The following PPP1R42 variants were observed in gnomAD, a reference collection of about 807,000 sequenced individuals.
PPP1R42 encodes leucine rich repeat containing 67.
In PPP1R42, 34 loss-of-function variants were observed where a neutral mutation model predicts 31.0. That is an observed-to-expected ratio of 1.10 (90% CI 0.83 to 1.46). The LOEUF is 1.46. PPP1R42 is among the 40% of genes most tolerant of loss of function. PPP1R42 has a pLI of 0.00. For synonymous variants in PPP1R42, 103 were observed against 109.8 expected (o/e 0.94, Z 0.39); for missense variants, 268 against 303.0 (o/e 0.88, Z 0.86).
chr8:66,971,129 T>C, intron 7 of PPP1R42: 1 of 1,511,474 alleles, frequency 6.6e-7, no homozygotes, highest in Non-Finnish European at 8.8e-7. Flanking sequence ...TGATGCATTG[T>C]TTTGAAGTTA....
rs71515047 is a variant in PPP1R42 at position 66,997,559 on chromosome 8, T to C, written c.553-9042A>G. On this transcript the variant is annotated intron_variant, in intron 5 of 7. Transcript: ENST00000685739. ...GTGCCTGGCTTTTTTTTTTTTTTTTTCCCAAGAAACACGGTCTCACTCTGT... is the reference window on the plus strand; with the variant it reads ...GTGCCTGGCTTTTTTTTTTTTTTTTCCCCAAGAAACACGGTCTCACTCTGT... Among the ~76,000 whole-genome samples the C allele has an allele frequency of 3.0e-3, 439 of 144,420 alleles. 2 individuals are homozygous for C. The highest frequency in any genetic ancestry group is 0.014 in the Middle Eastern group (4 of 292). The allele number at this position is 144,420 out of a possible 152,430, so 94.7% of individuals were successfully genotyped here.
chr8:66,978,315 A>G (rs1814734312), intron 7 of PPP1R42, among the ~76,000 whole-genome samples: 1 of 152,150 alleles, frequency 6.6e-6, no homozygotes, highest in Non-Finnish European at 1.5e-5. Flanking sequence ...TATGGGGGAA[A>G]CCACCCCCAT....
At chr8:67,018,214 C>T (rs1032575656) in intron 1 of PPP1R42, among the ~76,000 whole-genome samples, 2 of 151,358 alleles carry the variant, frequency 1.3e-5, no homozygotes, top group African/African-American at 4.9e-5. Context: ...CTCCCAGGTT[C>T]AAGCGATTCT....
At chr8:67,007,748 C>T (rs1412353534) in intron 5 of PPP1R42, among the ~76,000 whole-genome samples, 1 of 152,154 alleles carries the variant, frequency 6.6e-6, no homozygotes, top group Non-Finnish European at 1.5e-5. Context: ...CATTTCCATT[C>T]TATACATGCT....
intron 2 of PPP1R42, among the ~76,000 whole-genome samples, chr8:67,015,754 G>A (rs951050835): frequency 2.0e-5 from 3 of 152,014 alleles, no homozygotes; most frequent in Admixed American, 6.6e-5. Flanking sequence ...AATAATTAAA[G>A]GGATTTTTAA....
chr8:66,984,435 T>TA (rs1240617562), intron 6 of PPP1R42: 1 of 1,297,686 alleles, frequency 7.7e-7, no homozygotes, highest in African/African-American at 1.5e-5. Flanking sequence ...CCCCTTCCAC[T>TA]ACTACCACGT....
intron 6 of PPP1R42, among the ~76,000 whole-genome samples, chr8:66,983,709 A>G (rs1255309138): frequency 2.6e-5 from 4 of 152,204 alleles, no homozygotes; most frequent in East Asian, 3.8e-4. Flanking sequence ...AACATGAGCC[A>G]TAATACTGTG....
chr8:66,980,781 C>CTATCATGGAAAGGAGG (rs1368206168), intron 7 of PPP1R42, among the ~76,000 whole-genome samples: 1 of 152,084 alleles, frequency 6.6e-6, no homozygotes, highest in Non-Finnish European at 1.5e-5. Flanking sequence ...CATTCAAACA[C>CTATCATGGAAAGGAGG]TATCATGGAA....
intron 6 of PPP1R42, among the ~76,000 whole-genome samples, chr8:66,987,195 C>T (rs1815044015): frequency 6.6e-6 from 1 of 151,732 alleles, no homozygotes; most frequent in South Asian, 2.1e-4. Flanking sequence ...GTAATCTCTT[C>T]TTCCTCATGT....
At chr8:66,969,180 T>G (rs914652351) in intron 7 of PPP1R42, among the ~76,000 whole-genome samples, 1 of 152,236 alleles carries the variant, frequency 6.6e-6, no homozygotes, top group African/African-American at 2.4e-5. Flanking sequence ...GGGCCACAGC[T>G]CACTATTGAT....
At chr8:67,004,648 T>C (rs1815616234) in intron 5 of PPP1R42, among the ~76,000 whole-genome samples, 1 of 152,226 alleles carries the variant, frequency 6.6e-6, no homozygotes, top group African/African-American at 2.4e-5. Context: ...ATGGAATCTT[T>C]TTCATTTCTC....
At chr8:67,010,329 A>G (rs1815805644) in intron 5 of PPP1R42, among the ~76,000 whole-genome samples, 1 of 152,212 alleles carries the variant, frequency 6.6e-6, no homozygotes, top group Admixed American at 6.5e-5. Flanking sequence ...TACTTCCCCA[A>G]AAAGAAGTAG....
chr8:66,985,259 G>T, intron 6 of PPP1R42: 1 of 1,059,776 alleles, frequency 9.4e-7, no homozygotes, highest in Non-Finnish European at 1.5e-6. Context: ...GTGCGTTTCT[G>T]GCGCTGGGAA....
intron 7 of PPP1R42, among the ~76,000 whole-genome samples, chr8:66,966,551 C>T (rs767015862): frequency 2.6e-5 from 4 of 152,180 alleles, no homozygotes; most frequent in East Asian, 1.9e-4. Context: ...TTTGGGAGGC[C>T]GAGACGGGTG....
At chr8:67,002,445 C>T (rs1054491583) in intron 5 of PPP1R42, among the ~76,000 whole-genome samples, 5 of 152,152 alleles carry the variant, frequency 3.3e-5, no homozygotes, top group East Asian at 1.9e-4. Flanking sequence ...GTCATCCGCC[C>T]GCCTTGGCCT....
At chr8:66,965,484 T>C (rs891021851) in intron 7 of PPP1R42, among the ~76,000 whole-genome samples, 13 of 150,736 alleles carry the variant, frequency 8.6e-5, no homozygotes, top group Admixed American at 8.6e-4. Flanking sequence ...TCGCCCAGGC[T>C]GGAGTGCAGT....
At chr8:66,997,434 G>A (rs1010943911) in intron 5 of PPP1R42, among the ~76,000 whole-genome samples, 5 of 151,588 alleles carry the variant, frequency 3.3e-5, no homozygotes, top group African/African-American at 1.2e-4. Context: ...TGAGTAGCTG[G>A]GACCACAGGC....
intron 6 of PPP1R42, 91 bp from the exon 7 acceptor site, chr8:66,982,271 A>C (rs1473870899): frequency 1.9e-6 from 1 of 532,830 alleles, no homozygotes; most frequent in Non-Finnish European, 3.0e-6. Flanking sequence ...ACAGAAACTT[A>C]AGTTACACCA....
chr8:66,984,517 T>C, intron 6 of PPP1R42: 1 of 1,260,682 alleles, frequency 7.9e-7, no homozygotes, highest in Non-Finnish European at 1.2e-6. Flanking sequence ...CTTGAACTTC[T>C]TGGCTGGGGT....
Sources: allele counts gnomAD v4.1 joint callset (sites outside exome capture counted in the v4.1 genomes callset), GRCh38; gene constraint gnomAD v4.1.1; transcripts MANE v1.5; gene names NCBI Gene and HGNC (gene_info 2026-07-23, HGNC 2026-07-21).